DLGAP1: variants seen among roughly 807,000 people sequenced by gnomAD.
The protein encoded by DLGAP1 is disks large-associated protein 1.
DLGAP1 carries 11 observed loss-of-function variants against 90.8 expected under a neutral mutation model. The ratio of observed to expected loss-of-function variants is 0.12; its 90% CI spans 0.08 to 0.20. The LOEUF (loss-of-function observed/expected upper bound fraction) is 0.20, where lower values mean the gene tolerates loss of function less well. Ranked by LOEUF, DLGAP1 falls within the 10% of genes least tolerant of loss-of-function variation. The pLI is 1.00. For missense variants in DLGAP1, 1,050 were observed against 1,333.8 expected, an observed-to-expected ratio of 0.79 and a Z score of 3.31; for synonymous variants, 558 against 540.7, an observed-to-expected ratio of 1.03 and a Z score of -0.44.
chr18:3,583,353 TCTCC>T (rs1477928871), intron 7 of DLGAP1, among the ~76,000 whole-genome samples: 1 of 151,910 alleles, frequency 6.6e-6, no homozygotes, highest in Non-Finnish European at 1.5e-5. Context: ...TCTCTCTCTC[TCTCC>T]GTCTCCCTCT....
chr18:3,600,881 GATAGATATATAGATATAT>G lies in DLGAP1; in HGVS notation c.1592-18651_1592-18634del, dbSNP rs2056933545. Among the ~76,000 whole-genome samples the G allele has an allele frequency of 2.0e-4, 2 of 9,928 alleles. 1 individual carries two copies. The highest frequency in any genetic ancestry group is 6.8e-4 in the Non-Finnish European group (2 of 2,926). 6.5% of individuals were successfully genotyped at this position (9,928 alleles called of 152,430 possible). A position where few individuals can be genotyped will look rare whatever the true frequency, so the allele number is the denominator to read the frequency against. ...ATATATATAGATATATAGATATATAGATAGATATATAGATATATATAGATATATAGATAGATATAGATA... is the reference window on the plus strand; with the variant it reads ...ATATATATAGATATATAGATATATAGATAGATATATAGATAGATATAGATA... On this transcript the variant is annotated intron_variant, in intron 7 of 12. Coordinates refer to ENST00000315677, the MANE Select transcript of DLGAP1 (RefSeq NM_004746.4).
chr18:3,740,973 A>ACCACCAC (rs2062891043), intron 6 of DLGAP1, among the ~76,000 whole-genome samples: 1 of 108,876 alleles, frequency 9.2e-6, no homozygotes, highest in African/African-American at 3.6e-5. Context: ...CACCACCATC[A>ACCACCAC]CATCACCACC....
chr18:4,369,239 ATGTG>A (rs960221941), intron 1 of DLGAP1, among the ~76,000 whole-genome samples: 7 of 151,966 alleles, frequency 4.6e-5, no homozygotes, highest in South Asian at 4.1e-4. Context: ...GTGTGCACAT[ATGTG>A]TGTATTTGAC....
At chr18:3,558,537 T>C (rs2053891288) in intron 9 of DLGAP1, among the ~76,000 whole-genome samples, 1 of 152,176 alleles carries the variant, frequency 6.6e-6, no homozygotes, top group Non-Finnish European at 1.5e-5. Context: ...CCAGCTAGAA[T>C]TCATGTATTT....
chr18:3,700,584 A>G (rs11662353), intron 7 of DLGAP1, among the ~76,000 whole-genome samples: 15,021 of 150,658 alleles, frequency 0.1, 980 homozygotes, highest in Non-Finnish European at 0.13. Flanking sequence ...CTTGCCAGCC[A>G]CCTAGCATTT....
chr18:4,404,412 C>A (rs74401293), intron 1 of DLGAP1, among the ~76,000 whole-genome samples: 6,245 of 151,992 alleles, frequency 0.041, 183 homozygotes, highest in Middle Eastern at 0.065. Context: ...CTCTGGAGAC[C>A]GCAAGAAAAC....
chr18:3,813,493 A>G (rs564372510), intron 5 of DLGAP1, among the ~76,000 whole-genome samples: 2 of 152,306 alleles, frequency 1.3e-5, no homozygotes, highest in African/African-American at 4.8e-5. Flanking sequence ...CTATATTTAT[A>G]TTTGCAAAAC....
At chr18:4,272,953 T>G (rs540714034) in intron 1 of DLGAP1, among the ~76,000 whole-genome samples, 1 of 152,186 alleles carries the variant, frequency 6.6e-6, no homozygotes, top group East Asian at 1.9e-4. Flanking sequence ...AGCCAAGGCA[T>G]GAACAGTAAG....
intron 7 of DLGAP1, among the ~76,000 whole-genome samples, chr18:3,657,703 C>T (rs138560528): frequency 1.3e-5 from 2 of 151,090 alleles, no homozygotes. Context: ...CCCGGGTTCA[C>T]GCCATTCTCC....
chr18:3,624,754 TG>T (rs1272071117), intron 7 of DLGAP1, among the ~76,000 whole-genome samples: 1 of 152,178 alleles, frequency 6.6e-6, no homozygotes, highest in Non-Finnish European at 1.5e-5. Context: ...AAATTTATTT[TG>T]TTTTTTTCTG....
intron 1 of DLGAP1, among the ~76,000 whole-genome samples, chr18:4,278,833 C>A (rs1335572003): frequency 2.6e-5 from 4 of 152,076 alleles, no homozygotes; most frequent in African/African-American, 4.8e-5. Context: ...AACACTGCAG[C>A]AATAAACATA....
chr18:4,447,431 A>G (rs137936639), intron 1 of DLGAP1, among the ~76,000 whole-genome samples: 277 of 152,312 alleles, frequency 1.8e-3, no homozygotes, highest in Middle Eastern at 3.4e-3. Context: ...AAACAAGACT[A>G]TATTGCTTAG....
At chr18:4,170,113 G>T (rs963008878) in intron 1 of DLGAP1, among the ~76,000 whole-genome samples, 2 of 152,156 alleles carry the variant, frequency 1.3e-5, no homozygotes, top group Non-Finnish European at 2.9e-5. Context: ...CCATCATCAA[G>T]TGATGATGGT....
intron 7 of DLGAP1, among the ~76,000 whole-genome samples, chr18:3,617,791 T>C (rs550756200): frequency 2.4e-4 from 37 of 151,162 alleles, no homozygotes; most frequent in Admixed American, 6.6e-4. Flanking sequence ...TCCCAGCACT[T>C]TGGGAGGCCA....
At chr18:4,088,429 TTGTG>T (rs35217865) in intron 2 of DLGAP1, among the ~76,000 whole-genome samples, 49 of 148,396 alleles carry the variant, frequency 3.3e-4, no homozygotes, top group African/African-American at 1.1e-3. Flanking sequence ...TAATTTTCCT[TTGTG>T]TGTGTGTGTG....
intron 3 of DLGAP1, among the ~76,000 whole-genome samples, chr18:3,887,711 A>C (rs2071353127): frequency 6.6e-6 from 1 of 152,208 alleles, no homozygotes; most frequent in Admixed American, 6.5e-5. Context: ...GAGATTGAGA[A>C]TGATGAATGC....
intron 1 of DLGAP1, among the ~76,000 whole-genome samples, chr18:4,359,365 G>A (rs544004733): frequency 3.3e-5 from 5 of 152,266 alleles, no homozygotes; most frequent in East Asian, 1.9e-4. Flanking sequence ...GGAAAGGAAC[G>A]TCTTTATCGC....
chr18:3,548,551 T>C (rs2053195926), intron 9 of DLGAP1, among the ~76,000 whole-genome samples: 1 of 151,776 alleles, frequency 6.6e-6, no homozygotes, highest in African/African-American at 2.4e-5. Flanking sequence ...GGATTGCTTT[T>C]AGCTGAGGAG....
chr18:4,126,583 A>G (rs2076236624), intron 2 of DLGAP1, among the ~76,000 whole-genome samples: 1 of 152,172 alleles, frequency 6.6e-6, no homozygotes, highest in African/African-American at 2.4e-5. Flanking sequence ...ATGCAGGTAG[A>G]TATATTAGCC....
Sources: gnomAD v4.1 joint callset for allele counts (sites outside exome capture counted in the v4.1 genomes callset) on GRCh38, gnomAD v4.1.1 for gene constraint, MANE v1.5 for transcripts, NCBI Gene and HGNC (gene_info 2026-07-23, HGNC 2026-07-21) for gene names.